The following LDB2 variants were observed in gnomAD, a reference collection of about 807,000 sequenced individuals.
LDB2 encodes the protein LIM domain binding 2, also known as LIM domain-binding protein 2.
In LDB2, 12 loss-of-function variants were observed where a neutral mutation model predicts 44.3. The observed-to-expected ratio is 0.27, with a 90% CI of 0.17 to 0.44. LDB2 has a LOEUF of 0.44. LDB2 is among the 20% of genes least tolerant of loss of function. LDB2 has a pLI of 1.00. For synonymous variants in LDB2, 164 were observed against 174.8 expected, an observed-to-expected ratio of 0.94 and a Z score of 0.49; for missense variants, 344 against 473.5, an observed-to-expected ratio of 0.73 and a Z score of 2.54.
chr4:16,834,050 G>T (rs1411103221), intron 1 of LDB2, among the ~76,000 whole-genome samples: 1 of 152,182 alleles, frequency 6.6e-6, no homozygotes, highest in African/African-American at 2.4e-5. Flanking sequence ...TCTCTCTACA[G>T]TAGTAGCCCC....
At chr4:16,579,644 T>A (rs544915742) in intron 5 of LDB2, among the ~76,000 whole-genome samples, 9 of 152,312 alleles carry the variant, frequency 5.9e-5, no homozygotes, top group Admixed American at 5.2e-4. Context: ...ATTCAACTCT[T>A]TTGTTCCTCA....
chr4:16,846,560 A>G (rs1561424126), intron 1 of LDB2, among the ~76,000 whole-genome samples: 1 of 152,200 alleles, frequency 6.6e-6, no homozygotes, highest in Non-Finnish European at 1.5e-5. Context: ...CTTCTGTAGT[A>G]GTTTGAGAGA....
At chr4:16,601,970 C>A (rs956991714) in intron 2 of LDB2, among the ~76,000 whole-genome samples, 17 of 151,902 alleles carry the variant, frequency 1.1e-4, no homozygotes, top group African/African-American at 4.1e-4. Context: ...CAAGGTAGAT[C>A]TTGTTGTTCT....
chr4:16,622,960 A>G (rs952286272), intron 2 of LDB2, among the ~76,000 whole-genome samples: 2 of 152,162 alleles, frequency 1.3e-5, no homozygotes, highest in East Asian at 1.9e-4. Flanking sequence ...TTATTTTTCT[A>G]TATATACCAC....
At chr4:16,772,115 A>T (rs1161361019) in intron 1 of LDB2, among the ~76,000 whole-genome samples, 3 of 152,106 alleles carry the variant, frequency 2.0e-5, no homozygotes, top group Non-Finnish European at 4.4e-5. Flanking sequence ...GTCCACCACC[A>T]GTGGATGCCT....
At chr4:16,691,612 T>C (rs2152599106) in intron 2 of LDB2, among the ~76,000 whole-genome samples, 1 of 152,304 alleles carries the variant, frequency 6.6e-6, no homozygotes, top group South Asian at 2.1e-4. Flanking sequence ...AGTATCTAAT[T>C]TCAAGAATGA....
intron 1 of LDB2, among the ~76,000 whole-genome samples, chr4:16,807,341 A>G (rs560903378): frequency 6.6e-6 from 1 of 152,356 alleles, no homozygotes; most frequent in South Asian, 2.1e-4. Flanking sequence ...ATAATAACCA[A>G]AGTCATTCTT....
chr4:16,648,719 CAACTT>C (rs1239828665), intron 2 of LDB2, among the ~76,000 whole-genome samples: 3 of 152,148 alleles, frequency 2.0e-5, no homozygotes, highest in African/African-American at 7.2e-5. Flanking sequence ...TTGCTTCTCT[CAACTT>C]AACTTTTTTT....
chr4:16,751,278 A>C (rs1465559690), intron 2 of LDB2, among the ~76,000 whole-genome samples: 1 of 152,228 alleles, frequency 6.6e-6, no homozygotes, highest in Non-Finnish European at 1.5e-5. Context: ...AGGGGATAAT[A>C]AAAACATACC....
At chr4:16,868,815 T>C (rs1452061487) in intron 1 of LDB2, among the ~76,000 whole-genome samples, 2 of 152,188 alleles carry the variant, frequency 1.3e-5, no homozygotes. Flanking sequence ...ATGACGATAA[T>C]GGTGGTCATG....
chr4:16,753,853 T>G (rs1765953082), intron 2 of LDB2, among the ~76,000 whole-genome samples: 1 of 152,180 alleles, frequency 6.6e-6, no homozygotes, highest in Non-Finnish European at 1.5e-5. Context: ...GATCTCAGTC[T>G]AGAGAAAACA....
At chr4:16,896,278 A>G (rs1724970019) in intron 1 of LDB2, among the ~76,000 whole-genome samples, 1 of 152,202 alleles carries the variant, frequency 6.6e-6, no homozygotes. Context: ...ATAATCCAAA[A>G]GTTAGGAATT....
intron 1 of LDB2, among the ~76,000 whole-genome samples, chr4:16,775,885 A>G (rs911994988): frequency 2.0e-5 from 3 of 152,186 alleles, no homozygotes; most frequent in Non-Finnish European, 2.9e-5. Flanking sequence ...CGAAGCCTCT[A>G]TTTTGCACAC....
chr4:16,592,252 C>T (rs1719246037), intron 3 of LDB2, among the ~76,000 whole-genome samples: 1 of 152,004 alleles, frequency 6.6e-6, no homozygotes, highest in Non-Finnish European at 1.5e-5. Flanking sequence ...GCAATATTGA[C>T]TGTGTATATA....
intron 1 of LDB2, among the ~76,000 whole-genome samples, chr4:16,886,988 G>A (rs1721885495): frequency 1.5e-5 from 2 of 134,056 alleles, no homozygotes; most frequent in South Asian, 4.7e-4. Flanking sequence ...AGCTGAGATC[G>A]CGCCACTGCA....
intron 1 of LDB2, among the ~76,000 whole-genome samples, chr4:16,875,092 C>G (rs899336366): frequency 1.2e-4 from 19 of 152,240 alleles, no homozygotes; most frequent in Non-Finnish European, 2.5e-4. Flanking sequence ...ATCAGGGAAT[C>G]AAAAACAGCC....
At chr4:16,791,465 G>T (rs1449682324) in intron 1 of LDB2, among the ~76,000 whole-genome samples, 4 of 150,816 alleles carry the variant, frequency 2.7e-5, no homozygotes, top group African/African-American at 9.8e-5. Context: ...TGAGGCAGGA[G>T]AATTGCTTGA....
chr4:16,758,552 T>C (rs1285468745), intron 2 of LDB2, among the ~76,000 whole-genome samples: 2 of 152,194 alleles, frequency 1.3e-5, no homozygotes, highest in South Asian at 2.1e-4. Flanking sequence ...TCAGGACAGA[T>C]CAGCTGTTAC....
At chr4:16,672,257 G>A (rs1744965826) in intron 2 of LDB2, among the ~76,000 whole-genome samples, 1 of 152,188 alleles carries the variant, frequency 6.6e-6, no homozygotes, top group African/African-American at 2.4e-5. Flanking sequence ...TCTATTAGAA[G>A]CCAATTCAGC....
Sources: gnomAD v4.1 joint callset for allele counts (sites outside exome capture counted in the v4.1 genomes callset) on GRCh38, gnomAD v4.1.1 for gene constraint, MANE v1.5 for transcripts, NCBI Gene and HGNC (gene_info 2026-07-23, HGNC 2026-07-21) for gene names.